The following MED12L variants were observed in gnomAD, a reference collection of about 807,000 sequenced individuals.
MED12L encodes mediator of RNA polymerase II transcription subunit 12-like protein.
A neutral mutation model predicts 281.3 loss-of-function variants in MED12L; 60 were observed. That is an observed-to-expected ratio of 0.21 (90% CI 0.17 to 0.26). MED12L has a LOEUF of 0.26. MED12L is among the 10% of genes least tolerant of loss of function. The pLI is 1.00. For synonymous variants in MED12L, 974 were observed against 987.2 expected, an observed-to-expected ratio of 0.99 and a Z score of 0.25; for missense variants, 2,146 against 2,680.9, an observed-to-expected ratio of 0.80 and a Z score of 4.41.
At chr3:151,180,762 T>C (rs1722609187) in intron 11 of MED12L, among the ~76,000 whole-genome samples, 1 of 152,244 alleles carries the variant, frequency 6.6e-6, no homozygotes. Context: ...TGAATCTATT[T>C]TAGGAAATTA....
intron 11 of MED12L, among the ~76,000 whole-genome samples, chr3:151,182,187 C>A (rs1057466043): frequency 6.6e-6 from 1 of 152,046 alleles, no homozygotes; most frequent in African/African-American, 2.4e-5. Context: ...ATTGTGAATG[C>A]TCTAGATGTT....
intron 16 of MED12L, among the ~76,000 whole-genome samples, chr3:151,255,323 C>G (rs1052986314): frequency 7.2e-5 from 11 of 151,900 alleles, no homozygotes; most frequent in African/African-American, 2.7e-4. Context: ...TGCAGTGTGA[C>G]TTAAATATCT....
At chr3:151,227,212 G>A (rs1730693090) in intron 16 of MED12L, among the ~76,000 whole-genome samples, 1 of 152,232 alleles carries the variant, frequency 6.6e-6, no homozygotes, top group South Asian at 2.1e-4. Context: ...GCTGTGCTAA[G>A]TTTTCACATT....
At chr3:151,186,919 C>G (rs142671283) in intron 12 of MED12L, among the ~76,000 whole-genome samples, 181 of 152,306 alleles carry the variant, frequency 1.2e-3, no homozygotes, top group African/African-American at 4.2e-3. Context: ...ATAGTAGATG[C>G]TCAGGAGGTA....
chr3:151,265,053 A>G (rs111860077), intron 16 of MED12L, among the ~76,000 whole-genome samples: 18 of 151,746 alleles, frequency 1.2e-4, no homozygotes, highest in African/African-American at 3.6e-4. Flanking sequence ...CTCTCACCCT[A>G]TTTTCCAGAA....
At chr3:151,346,248 C>T (rs937018092) in intron 16 of MED12L, among the ~76,000 whole-genome samples, 1 of 152,134 alleles carries the variant, frequency 6.6e-6, no homozygotes, top group South Asian at 2.1e-4. Context: ...GCTAAGAGGC[C>T]ATTGTCTCTT....
At position 151,433,906 on chromosome 3, in the gene MED12L, A is replaced by G. The variant is rs192911299; in HGVS notation, c.*1102A>G. On this transcript the variant is annotated 3_prime_UTR_variant, in exon 45 of 45. Coordinates refer to ENST00000687756, the MANE Select transcript of MED12L (RefSeq NM_001393769.1). Reference sequence around the variant, plus strand: ...GGTGCAAAAAGCACAAGTAAATTATACATCAAATTTATTATAAAGAAATAG... The same window carrying G: ...GGTGCAAAAAGCACAAGTAAATTATGCATCAAATTTATTATAAAGAAATAG... 679 of 152,808 alleles carry G rather than the reference A, an allele frequency of 4.4e-3. 2 individuals carry two copies. Among genetic ancestry groups the G allele is most frequent in the Non-Finnish European group, 5.0e-3 (337 of 68,038 alleles). The allele number at this position is 152,808 out of a possible 1,614,324, so 9.5% of individuals were successfully genotyped here.
At chr3:151,213,582 A>C in intron 16 of MED12L, 1 of 1,614,188 alleles carries the variant, frequency 6.2e-7, no homozygotes, top group Non-Finnish European at 8.5e-7. Flanking sequence ...AAGGTACAAA[A>C]CAGACAAAAA....
intron 13 of MED12L, among the ~76,000 whole-genome samples, chr3:151,190,430 C>G (rs1261837472): frequency 1.3e-5 from 2 of 152,100 alleles, no homozygotes; most frequent in Non-Finnish European, 2.9e-5. Flanking sequence ...CCTCAGCCTC[C>G]CAAAGTGCTG....
At chr3:151,269,154 A>G (rs1406835632) in intron 16 of MED12L, among the ~76,000 whole-genome samples, 1 of 152,124 alleles carries the variant, frequency 6.6e-6, no homozygotes, top group Non-Finnish European at 1.5e-5. Context: ...TTATGCCTAT[A>G]CTCTGGGAGG....
chr3:151,195,517 A>C (rs1724533899), intron 16 of MED12L, among the ~76,000 whole-genome samples: 1 of 152,158 alleles, frequency 6.6e-6, no homozygotes, highest in South Asian at 2.1e-4. Flanking sequence ...CACTGCCTGA[A>C]TAATATCTAT....
intron 5 of MED12L, among the ~76,000 whole-genome samples, chr3:151,135,579 C>T (rs1330764940): frequency 6.6e-6 from 1 of 152,106 alleles, no homozygotes; most frequent in Non-Finnish European, 1.5e-5. Context: ...ACTTGCTGGC[C>T]TAGATGGAGT....
chr3:151,411,669 G>T (rs956980275), intron 41 of MED12L, among the ~76,000 whole-genome samples, 162 bp downstream of exon 41: 1 of 152,170 alleles, frequency 6.6e-6, no homozygotes, highest in Non-Finnish European at 1.5e-5. Flanking sequence ...CCAGATAGAG[G>T]TTCAACATAA....
intron 16 of MED12L, among the ~76,000 whole-genome samples, chr3:151,304,165 A>T (rs1327562740): frequency 6.6e-6 from 1 of 151,940 alleles, no homozygotes; most frequent in Non-Finnish European, 1.5e-5. Flanking sequence ...ATCTCAGAAA[A>T]CTCTTTCAAA....
chr3:151,419,165 T>G (rs1339933512), intron 43 of MED12L, among the ~76,000 whole-genome samples: 1 of 152,232 alleles, frequency 6.6e-6, no homozygotes, highest in Non-Finnish European at 1.5e-5. Flanking sequence ...CTTACTCTTA[T>G]GTTTCTGCAT....
chr3:151,150,987 A>C (rs1030941433), intron 5 of MED12L, among the ~76,000 whole-genome samples: 1 of 133,654 alleles, frequency 7.5e-6, no homozygotes, highest in East Asian at 2.3e-4. Context: ...TATCAGCAAT[A>C]AAGTTGTTTT....
At chr3:151,375,948 AC>A (rs1352524074) in intron 27 of MED12L, 77 bp from the exon 28 acceptor site, 1 of 654,176 alleles carries the variant, frequency 1.5e-6, no homozygotes, top group African/African-American at 1.9e-5. Flanking sequence ...TCAATTATGC[AC>A]TGTGGATTTA....
At chr3:151,406,287 CA>C in intron 39 of MED12L, among the ~76,000 whole-genome samples, 1 of 152,144 alleles carries the variant, frequency 6.6e-6, no homozygotes, top group East Asian at 1.9e-4. Flanking sequence ...TAAAATATTT[CA>C]AGTTATTAAA....
At chr3:151,114,318 G>T (rs538657357) in intron 2 of MED12L, among the ~76,000 whole-genome samples, 1 of 152,190 alleles carries the variant, frequency 6.6e-6, no homozygotes, top group East Asian at 1.9e-4. Flanking sequence ...CCTATAGCGG[G>T]GTCTTTTGAA....
Sources: gnomAD v4.1 joint callset for allele counts (sites outside exome capture counted in the v4.1 genomes callset) on GRCh38, gnomAD v4.1.1 for gene constraint, MANE v1.5 for transcripts, NCBI Gene and HGNC (gene_info 2026-07-23, HGNC 2026-07-21) for gene names.